NCOA2: variants seen among roughly 807,000 people sequenced by gnomAD.
The protein encoded by NCOA2 is class E basic helix-loop-helix protein 75.
A neutral mutation model predicts 145.1 loss-of-function variants in NCOA2; 21 were observed. The observed-to-expected ratio is 0.14, with a 90% CI of 0.10 to 0.21. The LOEUF (loss-of-function observed/expected upper bound fraction) is 0.21. NCOA2 is among the 10% of genes least tolerant of loss of function. NCOA2 has a pLI of 1.00. For missense variants in NCOA2, 1,472 were observed against 1,837.6 expected (o/e 0.80, Z 3.64); for synonymous variants, 619 against 637.5 (o/e 0.97, Z 0.44).
intron 2 of NCOA2, among the ~76,000 whole-genome samples, chr8:70,269,629 G>A (rs1824887322): frequency 6.6e-6 from 1 of 152,080 alleles, no homozygotes; most frequent in African/African-American, 2.4e-5. Flanking sequence ...AAAAAATATG[G>A]AACAAAGTTG....
At chr8:70,382,615 T>C (rs1041669589) in intron 1 of NCOA2, among the ~76,000 whole-genome samples, 2 of 152,182 alleles carry the variant, frequency 1.3e-5, no homozygotes, top group African/African-American at 2.4e-5. Flanking sequence ...CTAGTAGATA[T>C]CTATTTTGAA....
intron 1 of NCOA2, among the ~76,000 whole-genome samples, chr8:70,386,691 A>C (rs1812703021): frequency 6.6e-6 from 1 of 152,222 alleles, no homozygotes. Flanking sequence ...AGTGATAACC[A>C]GAGAATCCAA....
At chr8:70,240,689 G>C (rs148135774) in intron 2 of NCOA2, among the ~76,000 whole-genome samples, 8 of 152,226 alleles carry the variant, frequency 5.3e-5, no homozygotes, top group Middle Eastern at 3.4e-3. Context: ...CAATCTTAAT[G>C]AATCAACAAT....
chr8:70,305,550 G>A (rs1227903810), intron 1 of NCOA2, among the ~76,000 whole-genome samples: 1 of 152,076 alleles, frequency 6.6e-6, no homozygotes, highest in African/African-American at 2.4e-5. Flanking sequence ...GTCAAACCCA[G>A]GACTGCCCGA....
At chr8:70,125,408 T>C (rs1808301221) in intron 19 of NCOA2, among the ~76,000 whole-genome samples, 1 of 152,100 alleles carries the variant, frequency 6.6e-6, no homozygotes. Flanking sequence ...ACTACAGGCA[T>C]GCACGACCAT....
chr8:70,298,952 T>C (rs1335088707), intron 1 of NCOA2, among the ~76,000 whole-genome samples: 1 of 151,972 alleles, frequency 6.6e-6, no homozygotes, highest in Non-Finnish European at 1.5e-5. Flanking sequence ...TTCCAGCTAC[T>C]CGGAGGCTGA....
chr8:70,272,978 T>C (rs764797651), intron 2 of NCOA2, among the ~76,000 whole-genome samples: 2 of 152,186 alleles, frequency 1.3e-5, no homozygotes, highest in African/African-American at 2.4e-5. Context: ...AATTATACAT[T>C]GTATGTAGCT....
chr8:70,279,578 T>G (rs1825724729), intron 2 of NCOA2, among the ~76,000 whole-genome samples: 1 of 152,208 alleles, frequency 6.6e-6, no homozygotes, highest in African/African-American at 2.4e-5. Context: ...GGTCACATGG[T>G]TCATGATGAG....
intron 1 of NCOA2, among the ~76,000 whole-genome samples, chr8:70,320,643 C>T (rs1805969092): frequency 6.6e-6 from 1 of 151,954 alleles, no homozygotes. Flanking sequence ...ATCAAACTGG[C>T]TAAAATTGCA....
intron 1 of NCOA2, among the ~76,000 whole-genome samples, chr8:70,345,024 A>C (rs1473354651): frequency 6.6e-6 from 1 of 152,186 alleles, no homozygotes; most frequent in African/African-American, 2.4e-5. Flanking sequence ...TCACGCCTGG[A>C]AACATTTAAG....
At chr8:70,165,692 C>G (rs1813531913) in intron 7 of NCOA2, among the ~76,000 whole-genome samples, 2 of 152,210 alleles carry the variant, frequency 1.3e-5, no homozygotes, top group Non-Finnish European at 2.9e-5. Flanking sequence ...ATTCCCCACT[C>G]CTGTCTCTAT....
chr8:70,263,381 A>G (rs1051422402), intron 2 of NCOA2, among the ~76,000 whole-genome samples: 2 of 151,900 alleles, frequency 1.3e-5, no homozygotes, highest in African/African-American at 4.8e-5. Context: ...TTTGGGCCAC[A>G]GTTGACCGCA....
the NCOA2 span, among the ~76,000 whole-genome samples, chr8:70,451,318 G>A: frequency 6.9e-6 from 1 of 144,542 alleles, no homozygotes; most frequent in South Asian, 2.2e-4. Context: ...TAAGGCAGGA[G>A]GGTCACTTTT....
intron 4 of NCOA2, among the ~76,000 whole-genome samples, chr8:70,203,677 A>G (rs1346856402): frequency 1.3e-5 from 2 of 152,180 alleles, no homozygotes; most frequent in South Asian, 2.1e-4. Flanking sequence ...TTGTGCTCTT[A>G]TATCTTTTGT....
Position 70,399,809 on chromosome 8 carries a change from T to G in NCOA2, c.-77+3891A>C, listed in dbSNP as rs533687636. Among the ~76,000 whole-genome samples the G allele has an allele frequency of 2.0e-5, 3 of 152,374 alleles. No individual in the cohort carries two copies. The South Asian group carries it at 6.2e-4, about 32-fold the overall frequency. ...TATTTTCCTTTACTATCCAATATCC[T>G]AAAGAGTGCTTAAAGAATTGCTTTT... On this transcript the variant is annotated intron_variant, in intron 1 of 22. Transcript: ENST00000452400.
At chr8:70,419,534 T>C in the NCOA2 span, among the ~76,000 whole-genome samples, 1 of 152,192 alleles carries the variant, frequency 6.6e-6, no homozygotes, top group Admixed American at 6.5e-5. Context: ...TTACTTTTTT[T>C]GCCCCTTTTC....
intron 1 of NCOA2, among the ~76,000 whole-genome samples, chr8:70,397,403 A>C (rs957823481): frequency 1.7e-4 from 25 of 151,340 alleles, no homozygotes; most frequent in Non-Finnish European, 1.2e-4. Flanking sequence ...CAGTGAGCTG[A>C]GATCACACCA....
At chr8:70,205,862 G>A (rs1818383554) in intron 4 of NCOA2, among the ~76,000 whole-genome samples, 1 of 152,174 alleles carries the variant, frequency 6.6e-6, no homozygotes. Context: ...GCTCCCTCAA[G>A]GAGGATCTTA....
At position 70,344,582 on chromosome 8, in the gene NCOA2, T is replaced by C. The variant is rs147134097; in HGVS notation, c.-76-47782A>G. On this transcript the variant is annotated intron_variant, in intron 1 of 22. Transcript: ENST00000452400. ...CGGCAGTATTAAATGGGCCCTCTTATGCACTGATTAATGGTGAGCTGTTTC... is the reference window on the plus strand; with the variant it reads ...CGGCAGTATTAAATGGGCCCTCTTACGCACTGATTAATGGTGAGCTGTTTC... Among the ~76,000 whole-genome samples the C allele has an allele frequency of 5.9e-3, 895 of 152,300 alleles. 5 individuals carry two copies. Among genetic ancestry groups the C allele is most frequent in the African/African-American group, 0.02 (835 of 41,554 alleles).
Sources: gnomAD v4.1 joint callset for allele counts (sites outside exome capture counted in the v4.1 genomes callset) on GRCh38, gnomAD v4.1.1 for gene constraint, MANE v1.5 for transcripts, NCBI Gene and HGNC (gene_info 2026-07-23, HGNC 2026-07-21) for gene names.